B3GNT2: variants seen among roughly 807,000 people sequenced by gnomAD.
B3GNT2 encodes N-acetyllactosaminide beta-1,3-N-acetylglucosaminyltransferase 2.
In B3GNT2, 12 loss-of-function variants were observed where a neutral mutation model predicts 27.6. That is an observed-to-expected ratio of 0.44 (90% CI 0.28 to 0.71). The LOEUF (loss-of-function observed/expected upper bound fraction) is 0.71, where lower values mean the gene tolerates loss of function less well. Ranked by LOEUF, B3GNT2 falls within the 30% of genes least tolerant of loss-of-function variation. The probability of loss-of-function intolerance (pLI) is 0.17; values close to 1 mark genes in which losing one functional copy is unlikely to be tolerated. For synonymous variants in B3GNT2, 192 were observed against 189.7 expected (o/e 1.01, Z -0.10); for missense variants, 413 against 488.5 (o/e 0.85, Z 1.46).
chr2:62,206,678 C>G (rs1300577833), intron 1 of B3GNT2, among the ~76,000 whole-genome samples: 1 of 152,236 alleles, frequency 6.6e-6, no homozygotes, highest in Non-Finnish European at 1.5e-5. Context: ...GTGTAAGCCA[C>G]TGTGCCTGGC....
intron 1 of B3GNT2, among the ~76,000 whole-genome samples, chr2:62,204,727 C>T (rs1425427686): frequency 6.6e-6 from 1 of 152,188 alleles, no homozygotes; most frequent in Non-Finnish European, 1.5e-5. Flanking sequence ...AAATATCTCT[C>T]ATGAATACTC....
rs1674744164 is a variant in B3GNT2, at chr2:62,222,778, C to T, written c.558C>T (p.Pro186=). 1 of 1,614,182 alleles carries T rather than the reference C, an allele frequency of 6.2e-7. No homozygotes were observed. Among genetic ancestry groups the T allele is most frequent in the Non-Finnish European group, 8.5e-7 (1 of 1,180,048 alleles). The change falls in exon 2 of 2, where the codon CCC becomes CCT. Residue 186 remains proline, a synonymous_variant. Coordinates refer to ENST00000301998, the MANE Select transcript of B3GNT2 (RefSeq NM_006577.6). The surrounding 1 kb of genome is among the most constrained non-coding windows in gnomAD (Gnocchi z 4.2). ...VVRVFLLGQT[P]PEDNHPDLSD... ...GAGTCTTCCTGCTGGGCCAGACACC[C>T]CCAGAGGACAACCACCCCGACCTTT...
At chr2:62,204,705 CA>C (rs1237303936) in intron 1 of B3GNT2, among the ~76,000 whole-genome samples, 1 of 152,178 alleles carries the variant, frequency 6.6e-6, no homozygotes, top group African/African-American at 2.4e-5. Context: ...TTATTTCCTT[CA>C]AATGAACTTA....
At chr2:62,199,172 C>T (rs956550755) in intron 1 of B3GNT2, among the ~76,000 whole-genome samples, 1 of 152,214 alleles carries the variant, frequency 6.6e-6, no homozygotes, top group Non-Finnish European at 1.5e-5. Flanking sequence ...AACTCCTGAC[C>T]TGGTGATCCA....
In B3GNT2 at chr2:62,223,276, C is replaced by T; in HGVS notation, c.1056C>T (p.Gly352=). The T allele has an allele frequency of 6.2e-7, 1 of 1,614,160 alleles. No individual in the cohort carries two copies. Among genetic ancestry groups the T allele is most frequent in the Non-Finnish European group, 8.5e-7 (1 of 1,180,024 alleles). Residue 352 remains glycine, a synonymous_variant, in exon 2 of 2, where the codon GGC becomes GGT. Coordinates refer to ENST00000301998, the MANE Select transcript of B3GNT2 (RefSeq NM_006577.6). ...KLGLVPEKHK[G]FRTFDIEEKN... ...GCCTCGTTCCAGAGAAACACAAAGG[C>T]TTCAGGACATTTGATATCGAGGAGA...
At position 62,224,144 on chromosome 2, in the gene B3GNT2, T is replaced by C. The variant is rs1256413512; in HGVS notation, c.*730T>C. ...TTTAGTATTTGAAAATCAGTGTGAT[T>C]CCTTAATGGCCAACTGAAGATTGAA... On this transcript the variant is annotated 3_prime_UTR_variant, in exon 2 of 2. Transcript: ENST00000301998. 1 of 167,102 alleles carries C rather than the reference T, an allele frequency of 6.0e-6. No homozygotes were observed. The highest frequency in any genetic ancestry group is 1.9e-4 in the East Asian group (1 of 5,204). 10.4% of individuals were successfully genotyped at this position (167,102 alleles called of 1,614,324 possible).
chr2:62,209,027 C>G (rs531275047), intron 1 of B3GNT2, among the ~76,000 whole-genome samples: 33 of 152,054 alleles, frequency 2.2e-4, no homozygotes, highest in Non-Finnish European at 2.9e-4. Context: ...CTCACTCTTG[C>G]CCAGGCTGGG....
chr2:62,218,902 T>A (rs1674626877), intron 1 of B3GNT2, among the ~76,000 whole-genome samples: 1 of 152,220 alleles, frequency 6.6e-6, no homozygotes, highest in African/African-American at 2.4e-5. Context: ...GAACTGTACC[T>A]TGACGTGGCC....
chr2:62,200,959 G>A (rs1407207321), intron 1 of B3GNT2, among the ~76,000 whole-genome samples: 1 of 152,138 alleles, frequency 6.6e-6, no homozygotes, highest in East Asian at 1.9e-4. Flanking sequence ...AACTATTTCA[G>A]GATAAATTTT....
intron 1 of B3GNT2, among the ~76,000 whole-genome samples, chr2:62,219,532 A>C (rs1674642909): frequency 6.6e-6 from 1 of 152,116 alleles, no homozygotes; most frequent in Non-Finnish European, 1.5e-5. Flanking sequence ...ACCTCGGCCT[A>C]CCAAAGCAAA....
At position 62,222,823 on chromosome 2, in the gene B3GNT2, G is replaced by C; in HGVS notation, c.603G>C (p.Glu201Asp). 6.2e-7 allele frequency: 1 copy of C among 1,614,188 alleles called. No individual in the cohort carries two copies. The highest frequency in any genetic ancestry group is 8.5e-7 in the Non-Finnish European group (1 of 1,180,034). Reference sequence around the variant, plus strand: ...ACCTTTCAGATATGCTGAAATTTGAGAGTGAGAAGCACCAAGACATTCTTA... The same window carrying C: ...ACCTTTCAGATATGCTGAAATTTGACAGTGAGAAGCACCAAGACATTCTTA... Reference protein sequence around the residue: ...HPDLSDMLKFESEKHQDILMW... With the variant: ...HPDLSDMLKFDSEKHQDILMW... Residue 201 changes from glutamate to aspartate, a missense_variant, in exon 2 of 2, where the codon GAG becomes GAC. Coordinates refer to ENST00000301998, the MANE Select transcript of B3GNT2 (RefSeq NM_006577.6). This position sits in a 1 kb window ranked among gnomAD's most constrained non-coding sequence, Gnocchi z 4.2.
intron 1 of B3GNT2, among the ~76,000 whole-genome samples, chr2:62,203,364 G>C (rs538445359): frequency 6.6e-6 from 1 of 152,166 alleles, no homozygotes. Context: ...TAGCATACGG[G>C]ATATGGGAGT....
rs1007187185 is a variant in B3GNT2 at position 62,224,663 on chromosome 2, A to T, written c.*1249A>T. The T allele has an allele frequency of 1.8e-5, 3 of 167,094 alleles. No individual in the cohort carries two copies. The highest frequency in any genetic ancestry group is 7.2e-5 in the African/African-American group (3 of 41,470). 10.4% of individuals were successfully genotyped at this position (167,094 alleles called of 1,614,324 possible). ...TTCTTGAAATATTTTTGTTTATAGA[A>T]TTGAAGGTTCTTATCAGATGGGATA... On this transcript the variant is annotated 3_prime_UTR_variant, in exon 2 of 2. Transcript: ENST00000301998.
At chr2:62,216,296 T>TA (rs775207182) in intron 1 of B3GNT2, among the ~76,000 whole-genome samples, 15 of 152,114 alleles carry the variant, frequency 9.9e-5, no homozygotes, top group Non-Finnish European at 1.2e-4. Context: ...GCTAAGTAGG[T>TA]ATTGAAGACC....
In B3GNT2 at chr2:62,202,999, G is replaced by A. The variant is rs959692394; in HGVS notation, c.-10+6644G>A. ...GAGAGGAGGTTTTCTCTGATCACCC[G>A]GCATAAAGCAGCCTTTCCTTATCCC... On this transcript the variant is annotated intron_variant, in intron 1 of 1. Coordinates refer to ENST00000301998, the MANE Select transcript of B3GNT2 (RefSeq NM_006577.6). Among the ~76,000 whole-genome samples, 8 of 152,080 alleles carry A rather than the reference G, an allele frequency of 5.3e-5. No individual in the cohort carries two copies. In the East Asian group the frequency reaches 9.6e-4, roughly 18 times the overall value.
intron 1 of B3GNT2, among the ~76,000 whole-genome samples, chr2:62,218,402 T>G (rs910022027): frequency 1.3e-5 from 2 of 152,176 alleles, no homozygotes; most frequent in Non-Finnish European, 2.9e-5. Context: ...TAGCAAGTAA[T>G]GGGAAGAGTT....
intron 1 of B3GNT2, among the ~76,000 whole-genome samples, chr2:62,202,651 C>CGGGCAGGGACT (rs1338361093): frequency 1.3e-5 from 2 of 152,186 alleles, no homozygotes; most frequent in Non-Finnish European, 2.9e-5. Flanking sequence ...AGCCTGACCC[C>CGGGCAGGGACT]GGGCAGGTCA....
At chr2:62,200,699 C>T (rs183323937) in intron 1 of B3GNT2, among the ~76,000 whole-genome samples, 12 of 152,290 alleles carry the variant, frequency 7.9e-5, no homozygotes, top group Admixed American at 7.8e-4. Flanking sequence ...ATGTCTTGTC[C>T]GTGTTCCCAC....
At chr2:62,205,251 A>G (rs1674349183) in intron 1 of B3GNT2, among the ~76,000 whole-genome samples, 1 of 152,224 alleles carries the variant, frequency 6.6e-6, no homozygotes, top group South Asian at 2.1e-4. Flanking sequence ...CATATTGAGC[A>G]AACATGTTCT....
Sources: allele counts gnomAD v4.1 joint callset (sites outside exome capture counted in the v4.1 genomes callset), GRCh38; gene constraint gnomAD v4.1.1; non-coding constraint Gnocchi (gnomAD v3.1); transcripts MANE v1.5; gene names NCBI Gene and HGNC (gene_info 2026-07-23, HGNC 2026-07-21).